The following ATG10 variants were observed in gnomAD, a reference collection of about 807,000 sequenced individuals.
The protein encoded by ATG10 is ubiquitin-like-conjugating enzyme ATG10.
ATG10 carries 30 observed loss-of-function variants against 32.1 expected under a neutral mutation model. That is an observed-to-expected ratio of 0.94 (90% CI 0.70 to 1.27). ATG10 has a LOEUF of 1.27. ATG10 is among the 50% of genes most tolerant of loss of function. The probability of loss-of-function intolerance (pLI) is 0.00; values close to 1 mark genes in which losing one functional copy is unlikely to be tolerated. For missense variants in ATG10, 233 were observed against 262.3 expected (o/e 0.89, Z 0.77); for synonymous variants, 87 against 91.5 (o/e 0.95, Z 0.28).
At chr5:82,129,973 C>T (rs556619530) in intron 3 of ATG10, among the ~76,000 whole-genome samples, 6 of 152,232 alleles carry the variant, frequency 3.9e-5, no homozygotes, top group East Asian at 1.9e-4. Context: ...GTCGTCTGTC[C>T]GGGAGATGGG....
chr5:82,141,938 CCT>C (rs889196693), intron 3 of ATG10, among the ~76,000 whole-genome samples: 14 of 151,744 alleles, frequency 9.2e-5, no homozygotes, highest in African/African-American at 3.4e-4. Flanking sequence ...ACTTTTTTGC[CCT>C]GTCACGTTAG....
At chr5:82,013,999 A>G (rs1762205834) in intron 2 of ATG10, among the ~76,000 whole-genome samples, 1 of 152,146 alleles carries the variant, frequency 6.6e-6, no homozygotes, top group Non-Finnish European at 1.5e-5. Context: ...CACTGCTTTA[A>G]ATGTGTCCCA....
chr5:82,138,856 TC>T (rs1561319836), intron 3 of ATG10, among the ~76,000 whole-genome samples: 1 of 16,080 alleles, frequency 6.2e-5, no homozygotes, highest in East Asian at 5.5e-3. Context: ...CCCCTCCCCC[TC>T]CCCCTCCCCC....
intron 5 of ATG10, among the ~76,000 whole-genome samples, chr5:82,202,060 A>G (rs1028400548): frequency 2.0e-5 from 3 of 152,158 alleles, no homozygotes; most frequent in African/African-American, 7.2e-5. Flanking sequence ...CTATATTGAC[A>G]ATTGAAGACA....
At chr5:82,191,743 A>C (rs1235811967) in intron 5 of ATG10, among the ~76,000 whole-genome samples, 1 of 152,178 alleles carries the variant, frequency 6.6e-6, no homozygotes, top group African/African-American at 2.4e-5. Flanking sequence ...ATGAAGTTTT[A>C]GGTCATGAAC....
intron 3 of ATG10, among the ~76,000 whole-genome samples, chr5:82,071,231 G>A (rs961994677): frequency 3.9e-5 from 6 of 152,092 alleles, no homozygotes; most frequent in Non-Finnish European, 5.9e-5. Flanking sequence ...AGAGCTGATC[G>A]TAGGGGATCT....
At chr5:82,141,391 C>A (rs1425162546) in intron 3 of ATG10, among the ~76,000 whole-genome samples, 2 of 151,986 alleles carry the variant, frequency 1.3e-5, no homozygotes, top group Non-Finnish European at 2.9e-5. Context: ...AAGAAAATTA[C>A]TTTTTGGGGT....
intron 2 of ATG10, among the ~76,000 whole-genome samples, chr5:82,037,121 C>A (rs1343940542): frequency 2.3e-5 from 2 of 87,350 alleles, no homozygotes; most frequent in Non-Finnish European, 4.0e-5. Flanking sequence ...CAGAATGAGA[C>A]TCTGTCTCAA....
intron 3 of ATG10, among the ~76,000 whole-genome samples, chr5:82,157,997 G>A (rs899286924): frequency 5.9e-5 from 9 of 152,262 alleles, no homozygotes; most frequent in African/African-American, 2.2e-4. Flanking sequence ...CTTCTCTGTA[G>A]GCTAAATAGA....
rs965508814 is a variant in ATG10, at chr5:82,051,016, A to G, written c.109-7479A>G. On this transcript the variant is annotated intron_variant, in intron 2 of 7. Coordinates refer to ENST00000282185, the MANE Select transcript of ATG10 (RefSeq NM_031482.5). Reference sequence around the variant, plus strand: ...ACAGAGTAAGACCCTATCTGTTAAAAAAACAATTCTACGAACTCTCTTTTA... The same window carrying G: ...ACAGAGTAAGACCCTATCTGTTAAAGAAACAATTCTACGAACTCTCTTTTA... 3.9e-5 allele frequency among the ~76,000 whole-genome samples: 6 copies of G among 152,254 alleles called. 1 individual carries two copies. In the Middle Eastern group the frequency reaches 0.017, roughly 432 times the overall value.
At chr5:82,223,651 T>A (rs1201712655) in intron 5 of ATG10, among the ~76,000 whole-genome samples, 1 of 152,150 alleles carries the variant, frequency 6.6e-6, no homozygotes, top group Non-Finnish European at 1.5e-5. Flanking sequence ...GATGGGGCAA[T>A]AATGCACAGA....
chr5:82,009,923 A>G, intron 2 of ATG10: 1 of 1,611,320 alleles, frequency 6.2e-7, no homozygotes, highest in East Asian at 2.2e-5. Context: ...TAAACCCTGG[A>G]ATAATTCTGT....
intron 4 of ATG10, among the ~76,000 whole-genome samples, chr5:82,177,765 A>T (rs1413500501): frequency 6.6e-6 from 1 of 152,150 alleles, no homozygotes; most frequent in East Asian, 1.9e-4. Context: ...TTAAAGAAAA[A>T]GAGCATTATT....
chr5:82,202,769 A>AG (rs1745119779), intron 5 of ATG10, among the ~76,000 whole-genome samples: 1 of 152,006 alleles, frequency 6.6e-6, no homozygotes, highest in African/African-American at 2.4e-5. Flanking sequence ...AACAAATTAA[A>AG]AAATGGTATT....
intron 3 of ATG10, among the ~76,000 whole-genome samples, chr5:82,116,452 CAG>C (rs759602260): frequency 3.9e-5 from 6 of 152,040 alleles, no homozygotes; most frequent in Non-Finnish European, 7.4e-5. Flanking sequence ...TTTCTAGTCT[CAG>C]GGCTATTGTT....
intron 5 of ATG10, among the ~76,000 whole-genome samples, chr5:82,228,216 A>G (rs1275044927): frequency 6.6e-6 from 1 of 152,156 alleles, no homozygotes; most frequent in Non-Finnish European, 1.5e-5. Context: ...TCAAAAAAAA[A>G]AAAAAGTATG....
At chr5:82,196,352 G>A (rs1242420267) in intron 5 of ATG10, among the ~76,000 whole-genome samples, 3 of 151,908 alleles carry the variant, frequency 2.0e-5, no homozygotes, top group Non-Finnish European at 2.9e-5. Flanking sequence ...TCTCTTGATA[G>A]CGTTCTTTGG....
rs916511090 is a variant in ATG10 at position 81,993,359 on chromosome 5, C to T, written c.108+5681C>T. ...TCCTTCTTTCTTTCTTTCTTTCTTT[C>T]CTTCTTTTCTTTTCTTTTCTTTTCT... On this transcript the variant is annotated intron_variant, in intron 2 of 7. Transcript: ENST00000282185. Among the ~76,000 whole-genome samples the T allele has an allele frequency of 7.3e-3, 403 of 55,346 alleles. 32 individuals carry two copies. Among genetic ancestry groups the T allele is most frequent in the East Asian group, 0.042 (65 of 1,564 alleles). 36.3% of individuals were successfully genotyped at this position (55,346 alleles called of 152,430 possible).
At chr5:82,062,637 C>T (rs78549760) in intron 3 of ATG10, among the ~76,000 whole-genome samples, 4,584 of 152,218 alleles carry the variant, frequency 0.03, 101 homozygotes, top group Middle Eastern at 0.051. Context: ...AATGGAGAAA[C>T]ATGAAGGAGC....
Sources: allele counts gnomAD v4.1 joint callset (sites outside exome capture counted in the v4.1 genomes callset), GRCh38; gene constraint gnomAD v4.1.1; transcripts MANE v1.5; gene names NCBI Gene and HGNC (gene_info 2026-07-23, HGNC 2026-07-21).